The following PLEKHA7 variants were observed in gnomAD, a reference collection of about 807,000 sequenced individuals.
PLEKHA7 encodes pleckstrin homology domain-containing family A member 7.
In PLEKHA7, 104 loss-of-function variants were observed where a neutral mutation model predicts 170.0. The observed-to-expected ratio is 0.61, with a 90% CI of 0.52 to 0.72. The LOEUF is 0.72. PLEKHA7 is among the 30% of genes least tolerant of loss of function. The probability of loss-of-function intolerance (pLI) is 0.00; values close to 1 mark genes in which losing one functional copy is unlikely to be tolerated. For synonymous variants in PLEKHA7, 648 were observed against 660.8 expected (o/e 0.98, Z 0.30); for missense variants, 1,615 against 1,671.7 (o/e 0.97, Z 0.59).
At chr11:16,998,192 T>C (rs1864453597) in intron 3 of PLEKHA7, among the ~76,000 whole-genome samples, 1 of 151,990 alleles carries the variant, frequency 6.6e-6, no homozygotes, top group Non-Finnish European at 1.5e-5. Context: ...ATTTGTAAAA[T>C]AAACAAATAA....
intron 3 of PLEKHA7, among the ~76,000 whole-genome samples, chr11:16,940,339 G>C (rs975638664): frequency 7.1e-6 from 1 of 141,258 alleles, no homozygotes; most frequent in African/African-American, 2.6e-5. Flanking sequence ...CAAGGCTAGA[G>C]TGCAATGGCG....
Position 16,794,590 on chromosome 11 carries a change from G to C in PLEKHA7, c.2643C>G (p.Leu881=). 1 of 1,613,500 alleles carries C rather than the reference G, an allele frequency of 6.2e-7. No homozygotes were observed. Residue 881 remains leucine (L), a synonymous_variant, in exon 19 of 27, where the codon CTC becomes CTG. Coordinates refer to ENST00000531066, the MANE Select transcript of PLEKHA7 (RefSeq NM_001329630.2). The part of the protein sequence containing the change: ...SPVRTPLEVR[L]FPQLQTYVPY... Reference sequence around the variant, plus strand: ...GCACGTAGGTTTGCAGCTGGGGGAAGAGTCGAACCTCCAGAGGGGTCCGCA... The same window carrying C: ...GCACGTAGGTTTGCAGCTGGGGGAACAGTCGAACCTCCAGAGGGGTCCGCA...
intron 6 of PLEKHA7, among the ~76,000 whole-genome samples, chr11:16,854,150 T>C (rs1244097380): frequency 6.6e-6 from 1 of 152,200 alleles, no homozygotes; most frequent in Non-Finnish European, 1.5e-5. Flanking sequence ...AATGAATGAC[T>C]GGCAAGGAGA....
chr11:16,782,353 A>T (rs1419912952), intron 26 of PLEKHA7, among the ~76,000 whole-genome samples: 2 of 152,178 alleles, frequency 1.3e-5, no homozygotes, highest in African/African-American at 2.4e-5. Flanking sequence ...GCCTTGCCCC[A>T]GCAAGAAATC....
rs754817758 is a variant in PLEKHA7 at position 16,942,957 on chromosome 11, A to G, written c.221+71032T>C. On this transcript the variant is annotated intron_variant, in intron 3 of 26. Transcript: ENST00000531066. Reference sequence around the variant, plus strand: ...CAATAAACAACAATGCTAACGCTCAAAGTTGAGTTAAATGATTCAGAATAA... The same window carrying G: ...CAATAAACAACAATGCTAACGCTCAGAGTTGAGTTAAATGATTCAGAATAA... Among the ~76,000 whole-genome samples, 8 of 152,264 alleles carry G rather than the reference A, an allele frequency of 5.3e-5. 1 individual carries two copies. Among genetic ancestry groups the G allele is most frequent in the Non-Finnish European group, 1.2e-4 (8 of 68,050 alleles).
chr11:16,799,642 A>C (rs1398416164), intron 17 of PLEKHA7, among the ~76,000 whole-genome samples: 1 of 152,246 alleles, frequency 6.6e-6, no homozygotes, highest in Non-Finnish European at 1.5e-5. Flanking sequence ...CAGTTTTATA[A>C]ACTCATAACC....
intron 3 of PLEKHA7, among the ~76,000 whole-genome samples, chr11:16,991,875 C>A (rs529538758): frequency 1.3e-5 from 2 of 152,244 alleles, no homozygotes; most frequent in East Asian, 1.9e-4. Flanking sequence ...GTTGTCCAGG[C>A]GGCAGATGAC....
At chr11:17,013,698 C>G (rs1294720085) in intron 3 of PLEKHA7, among the ~76,000 whole-genome samples, 1 of 152,252 alleles carries the variant, frequency 6.6e-6, no homozygotes, top group Non-Finnish European at 1.5e-5. Flanking sequence ...GAGGCGTGCC[C>G]AGCCCGCACA....
At chr11:16,822,742 T>C (rs1850336447) in intron 10 of PLEKHA7, among the ~76,000 whole-genome samples, 1 of 152,120 alleles carries the variant, frequency 6.6e-6, no homozygotes, top group Admixed American at 6.5e-5. Context: ...GCTCTCTCAG[T>C]TGAGGATTCT....
intron 3 of PLEKHA7, among the ~76,000 whole-genome samples, chr11:16,897,330 T>C (rs1235175486): frequency 6.6e-6 from 1 of 152,188 alleles, no homozygotes; most frequent in South Asian, 2.1e-4. Context: ...TCCTTCAGAC[T>C]GAGCTCCAAG....
intron 21 of PLEKHA7, 27 bp downstream of exon 21, chr11:16,790,771 G>A: frequency 6.3e-7 from 1 of 1,596,810 alleles, no homozygotes. Flanking sequence ...GATTCCCAGA[G>A]AAACTCCAGG....
chr11:16,855,125 C>G, intron 5 of PLEKHA7, 132 bp from the exon 6 acceptor site: 1 of 710,168 alleles, frequency 1.4e-6, no homozygotes, highest in Admixed American at 2.3e-5. Context: ...AAATGAACAG[C>G]CAGAAGACAG....
intron 3 of PLEKHA7, among the ~76,000 whole-genome samples, chr11:16,918,515 T>A (rs1022906173): frequency 5.3e-5 from 8 of 152,212 alleles, no homozygotes; most frequent in Admixed American, 5.2e-4. Context: ...CTCTGAGCTT[T>A]CTCAATATAT....
At chr11:16,923,836 C>A (rs1412821641) in intron 3 of PLEKHA7, among the ~76,000 whole-genome samples, 1 of 152,216 alleles carries the variant, frequency 6.6e-6, no homozygotes, top group Non-Finnish European at 1.5e-5. Context: ...GCTCATCTTC[C>A]TCATCGCACT....
intron 4 of PLEKHA7, among the ~76,000 whole-genome samples, chr11:16,859,399 G>A (rs563561264): frequency 6.6e-6 from 1 of 152,286 alleles, no homozygotes; most frequent in Admixed American, 6.5e-5. Context: ...GTCGTGCTTG[G>A]GGATGCCATT....
intron 3 of PLEKHA7, among the ~76,000 whole-genome samples, chr11:16,872,994 T>C (rs1345838117): frequency 1.3e-5 from 2 of 152,180 alleles, no homozygotes; most frequent in Non-Finnish European, 2.9e-5. Flanking sequence ...TATTATAATC[T>C]ATATCTCTTT....
intron 9 of PLEKHA7, among the ~76,000 whole-genome samples, chr11:16,840,100 C>T (rs1851831648): frequency 6.6e-6 from 1 of 152,020 alleles, no homozygotes; most frequent in Non-Finnish European, 1.5e-5. Flanking sequence ...GGAAGTAGAG[C>T]CAAAATTGAC....
chr11:16,861,477 C>T (rs980195871), intron 4 of PLEKHA7, among the ~76,000 whole-genome samples: 12 of 151,920 alleles, frequency 7.9e-5, no homozygotes, highest in Non-Finnish European at 1.5e-5. Flanking sequence ...AATGAGACCC[C>T]GTCTCTATGA....
intron 3 of PLEKHA7, among the ~76,000 whole-genome samples, chr11:16,876,588 G>C (rs1270045199): frequency 6.6e-6 from 1 of 152,188 alleles, no homozygotes; most frequent in African/African-American, 2.4e-5. Context: ...CAAGCCCTGG[G>C]CCAGGAAGTA....
Sources: allele counts gnomAD v4.1 joint callset (sites outside exome capture counted in the v4.1 genomes callset), GRCh38; gene constraint gnomAD v4.1.1; transcripts MANE v1.5; gene names NCBI Gene and HGNC (gene_info 2026-07-23, HGNC 2026-07-21).